CSMD1: variants seen among roughly 807,000 people sequenced by gnomAD.
CSMD1 encodes the protein CUB and sushi domain-containing protein 1.
In CSMD1, 213 loss-of-function variants were observed where a neutral mutation model predicts 417.5. That is an observed-to-expected ratio of 0.51 (90% CI 0.46 to 0.57). CSMD1 has a LOEUF of 0.57. Ranked by LOEUF, CSMD1 falls within the 20% of genes least tolerant of loss-of-function variation. CSMD1 has a pLI of 0.00. For synonymous variants in CSMD1, 2,862 were observed against 1,736.8 expected, an observed-to-expected ratio of 1.65 and a Z score of -16.11; for missense variants, 6,923 against 4,529.7, an observed-to-expected ratio of 1.53 and a Z score of -15.17.
chr8:3,193,493 G>C (rs1250850302), intron 33 of CSMD1, among the ~76,000 whole-genome samples: 1 of 152,106 alleles, frequency 6.6e-6, no homozygotes, highest in Non-Finnish European at 1.5e-5. Context: ...AGACAGTGCT[G>C]TGTAACTTCA....
intron 26 of CSMD1, among the ~76,000 whole-genome samples, chr8:3,245,250 T>G (rs1390921821): frequency 6.6e-6 from 1 of 152,154 alleles, no homozygotes; most frequent in Non-Finnish European, 1.5e-5. Context: ...CAGCAAACAT[T>G]CATTCCAGGG....
chr8:4,505,128 A>G (rs1802453423), intron 2 of CSMD1, among the ~76,000 whole-genome samples: 1 of 152,228 alleles, frequency 6.6e-6, no homozygotes, highest in Non-Finnish European at 1.5e-5. Context: ...CCAAAAACAG[A>G]AAAACAAAAC....
intron 3 of CSMD1, among the ~76,000 whole-genome samples, chr8:4,168,534 C>G (rs899038177): frequency 6.6e-6 from 1 of 151,928 alleles, no homozygotes; most frequent in Non-Finnish European, 1.5e-5. Context: ...GTTACAGACA[C>G]AGAACACAAC....
intron 41 of CSMD1, among the ~76,000 whole-genome samples, chr8:3,141,233 T>A (rs1585455828): frequency 6.6e-6 from 1 of 152,154 alleles, no homozygotes. Flanking sequence ...TACCTCATCA[T>A]CCCCTGTGCG....
At chr8:3,400,214 T>C (rs930062761) in intron 15 of CSMD1, among the ~76,000 whole-genome samples, 1 of 152,172 alleles carries the variant, frequency 6.6e-6, no homozygotes, top group Non-Finnish European at 1.5e-5. Flanking sequence ...TTAAATAGCA[T>C]ACCAATATTT....
At chr8:4,874,517 G>T (rs1563647047) in intron 1 of CSMD1, among the ~76,000 whole-genome samples, 2 of 151,186 alleles carry the variant, frequency 1.3e-5, no homozygotes, top group Non-Finnish European at 2.9e-5. Flanking sequence ...AGCCTCCTGA[G>T]CAGCTGGGAT....
chr8:3,443,560 G>A (rs1204640920), intron 12 of CSMD1, among the ~76,000 whole-genome samples: 4 of 152,172 alleles, frequency 2.6e-5, no homozygotes, highest in Non-Finnish European at 5.9e-5. Flanking sequence ...TTTACAGGGG[G>A]AAAGTGAAAC....
chr8:4,966,308 G>C (rs888772622), intron 1 of CSMD1, among the ~76,000 whole-genome samples: 6 of 151,906 alleles, frequency 3.9e-5, no homozygotes, highest in East Asian at 1.9e-4. Flanking sequence ...GAACCCAGGA[G>C]ACGAAGGTTG....
intron 3 of CSMD1, among the ~76,000 whole-genome samples, chr8:4,311,755 A>G (rs1190109351): frequency 2.0e-5 from 3 of 150,698 alleles, no homozygotes; most frequent in Admixed American, 6.6e-5. Flanking sequence ...AATCTAAATT[A>G]TGAGAGTTCA....
intron 7 of CSMD1, among the ~76,000 whole-genome samples, chr8:3,631,808 T>C (rs574642955): frequency 1.3e-5 from 2 of 152,256 alleles, no homozygotes; most frequent in African/African-American, 2.4e-5. Flanking sequence ...CCTTAGGCAC[T>C]AACAGGTCAA....
chr8:3,940,987 T>A (rs1484724960), intron 5 of CSMD1, among the ~76,000 whole-genome samples: 1 of 151,948 alleles, frequency 6.6e-6, no homozygotes, highest in Non-Finnish European at 1.5e-5. Context: ...CTGTTTTTAT[T>A]TTTTGGAGGC....
chr8:3,600,344 C>T (rs781710586), intron 8 of CSMD1, among the ~76,000 whole-genome samples: 1 of 152,284 alleles, frequency 6.6e-6, no homozygotes, highest in Non-Finnish European at 1.5e-5. Flanking sequence ...GGATTTATTA[C>T]CTTTAGATCC....
At chr8:3,666,644 T>G (rs147698238) in intron 7 of CSMD1, among the ~76,000 whole-genome samples, 1 of 152,238 alleles carries the variant, frequency 6.6e-6, no homozygotes, top group East Asian at 1.9e-4. Context: ...AATTGAATCA[T>G]GGGGGCAGTT....
At chr8:4,571,520 T>G (rs1036082178) in intron 2 of CSMD1, among the ~76,000 whole-genome samples, 21 of 152,192 alleles carry the variant, frequency 1.4e-4, no homozygotes, top group African/African-American at 4.8e-4. Context: ...TTTGTTATGA[T>G]TTATGTTCCT....
intron 5 of CSMD1, among the ~76,000 whole-genome samples, chr8:3,964,075 A>G (rs1812512897): frequency 6.6e-6 from 1 of 152,230 alleles, no homozygotes; most frequent in East Asian, 1.9e-4. Context: ...TGCTTGCTTG[A>G]ATAACTTTTT....
chr8:4,114,257 T>G (rs578173260), intron 3 of CSMD1, among the ~76,000 whole-genome samples: 2 of 152,198 alleles, frequency 1.3e-5, no homozygotes, highest in South Asian at 2.1e-4. Context: ...CCTAGGGCTC[T>G]TAAGAATGAT....
chr8:3,690,041 T>C (rs1321593856), intron 7 of CSMD1, among the ~76,000 whole-genome samples: 1 of 152,178 alleles, frequency 6.6e-6, no homozygotes, highest in Non-Finnish European at 1.5e-5. Context: ...TTAGCAAACA[T>C]AAAATAATAA....
At chr8:4,242,988 G>T (rs1390717124) in intron 3 of CSMD1, among the ~76,000 whole-genome samples, 1 of 152,112 alleles carries the variant, frequency 6.6e-6, no homozygotes, top group African/African-American at 2.4e-5. Context: ...TGTAGTGAAG[G>T]CACTAACTTG....
intron 68 of CSMD1, among the ~76,000 whole-genome samples, chr8:2,943,209 T>A (rs1447186388): frequency 2.0e-5 from 3 of 151,942 alleles, no homozygotes; most frequent in Admixed American, 1.3e-4. Flanking sequence ...TGTAACTTTT[T>A]AAATTAAATA....
Sources: allele counts gnomAD v4.1 joint callset (sites outside exome capture counted in the v4.1 genomes callset), GRCh38; gene constraint gnomAD v4.1.1; transcripts MANE v1.5; gene names NCBI Gene and HGNC (gene_info 2026-07-23, HGNC 2026-07-21).